ZNF789: variants seen among roughly 807,000 people sequenced by gnomAD.
ZNF789 encodes zinc finger protein 789.
ZNF789 carries 11 observed loss-of-function variants against 15.6 expected under a neutral mutation model. The observed-to-expected ratio is 0.70, with a 90% CI of 0.44 to 1.16. The LOEUF is 1.16. ZNF789 is among the 50% of genes most tolerant of loss of function. The pLI is 0.00. For synonymous variants in ZNF789, 159 were observed against 176.0 expected (o/e 0.90, Z 0.76); for missense variants, 461 against 512.6 (o/e 0.90, Z 0.97).
At chr7:99,481,960 G>T (rs1458062672) in intron 3 of ZNF789, 1 of 582,608 alleles carries the variant, frequency 1.7e-6, no homozygotes, top group Admixed American at 3.0e-5. Context: ...TCTATTACAG[G>T]GAAAGAATCC....
chr7:99,474,543 G>A (rs933317979), intron 1 of ZNF789, among the ~76,000 whole-genome samples: 9 of 151,734 alleles, frequency 5.9e-5, no homozygotes, highest in African/African-American at 2.2e-4. Flanking sequence ...GCAGTGAGCC[G>A]AGATCGCGCC....
Position 99,486,932 on chromosome 7 carries a change from G to C in ZNF789, c.722G>C (p.Arg241Pro), listed in dbSNP as rs147979874. Residue 241 changes from arginine to proline, a missense_variant, in exon 5 of 5, where the codon CGG becomes CCG. Physicochemically the swap from Arg to Pro is moderately radical, Grantham distance 103. Transcript: ENST00000331410. ...CKVCGQAFRQ[R>P]SALTVHKQCH... Reference sequence around the variant, plus strand: ...GTCTGTGGGCAAGCCTTCAGACAGCGGTCAGCTCTTACGGTCCATAAACAG... The same window carrying C: ...GTCTGTGGGCAAGCCTTCAGACAGCCGTCAGCTCTTACGGTCCATAAACAG... 1.9e-6 allele frequency: 3 copies of C among 1,613,978 alleles called. No homozygotes were observed. Among genetic ancestry groups the C allele is most frequent in the African/African-American group, 2.7e-5 (2 of 74,916 alleles).
intron 2 of ZNF789, among the ~76,000 whole-genome samples, chr7:99,477,400 C>T (rs571893603): frequency 2.0e-5 from 3 of 152,002 alleles, no homozygotes; most frequent in East Asian, 3.9e-4. Flanking sequence ...AATGCAGTGG[C>T]ATGATCATGG....
intron 4 of ZNF789, chr7:99,485,279 G>A: frequency 6.9e-7 from 1 of 1,447,714 alleles, no homozygotes; most frequent in South Asian, 1.2e-5. Flanking sequence ...CGAATTCTTT[G>A]GGGACAGGAT....
At chr7:99,478,595 G>T (rs1732141893) in intron 2 of ZNF789, 4 of 361,326 alleles carry the variant, frequency 1.1e-5, no homozygotes, top group Non-Finnish European at 1.7e-5. Context: ...GTGAGAGCAA[G>T]GAGTGTGTAG....
intron 2 of ZNF789, chr7:99,478,419 G>T (rs560238929): frequency 2.4e-6 from 3 of 1,256,774 alleles, no homozygotes; most frequent in Non-Finnish European, 3.1e-6. Flanking sequence ...AAGAAAGTCC[G>T]TATAATTTGG....
chr7:99,473,493 G>A (rs1754394906), intron 1 of ZNF789, among the ~76,000 whole-genome samples: 1 of 152,208 alleles, frequency 6.6e-6, no homozygotes, highest in Non-Finnish European at 1.5e-5. Context: ...TTATCAACTT[G>A]CATTCCTTCT....
chr7:99,475,806 CTTTTT>C (rs59681284), intron 1 of ZNF789, among the ~76,000 whole-genome samples: 1 of 128,364 alleles, frequency 7.8e-6, no homozygotes. Flanking sequence ...TTTTTTCTTT[CTTTTT>C]TTTTTTTTTT....
At chr7:99,474,240 C>G (rs1562879258) in intron 1 of ZNF789, among the ~76,000 whole-genome samples, 1 of 152,188 alleles carries the variant, frequency 6.6e-6, no homozygotes, top group Non-Finnish European at 1.5e-5. Flanking sequence ...ATAAAATACA[C>G]AAACACTAAA....
In ZNF789 at chr7:99,487,554, G is replaced by T; in HGVS notation, c.*66G>T. ...AACCTCTACTTCAAGTGTGTATCAC[G>T]TAATTGTTTCCATGAAAAGCAATAA... is the stretch of plus-strand genomic sequence containing the variant. On this transcript the variant is annotated 3_prime_UTR_variant, in exon 5 of 5. Transcript: ENST00000331410. 1 of 1,511,704 alleles carries T rather than the reference G, an allele frequency of 6.6e-7. No homozygotes were observed. Among genetic ancestry groups the T allele is most frequent in the Non-Finnish European group, 8.9e-7 (1 of 1,125,276 alleles). 93.6% of individuals were successfully genotyped at this position (1,511,704 alleles called of 1,614,324 possible). A position where few individuals can be genotyped will look rare whatever the true frequency, so the allele number is the denominator to read the frequency against.
rs1035985300 is a variant in ZNF789, at chr7:99,486,687, C to A, written c.477C>A (p.Asn159Lys). The A allele has an allele frequency of 6.2e-7, 1 of 1,614,072 alleles. No individual in the cohort carries two copies. The highest frequency in any genetic ancestry group is 1.3e-5 in the African/African-American group (1 of 74,912). Residue 159 changes from asparagine (N) to lysine (K), a missense_variant, in exon 5 of 5, where the codon AAC becomes AAA. Transcript: ENST00000331410. ...GCAGGGGCTTCCTTCAAAACCTTAA[C>A]CTTATTCAAGATCAGAATGCGCAAA... ...EYSRGFLQNLNLIQDQNAQTR... is the reference protein window; with the variant it reads ...EYSRGFLQNLKLIQDQNAQTR...
chr7:99,478,722 G>A (rs1406881542), intron 2 of ZNF789: 2 of 291,314 alleles, frequency 6.9e-6, no homozygotes, highest in South Asian at 6.1e-5. Flanking sequence ...TGTCCCCTGT[G>A]CTCACTGTGC....
intron 3 of ZNF789, among the ~76,000 whole-genome samples, chr7:99,482,546 T>C (rs190772347): frequency 4.6e-5 from 7 of 152,284 alleles, no homozygotes; most frequent in Non-Finnish European, 1.0e-4. Context: ...ACACACTACA[T>C]AGTTTTTTAA....
At position 99,487,448 on chromosome 7, in the gene ZNF789, T is replaced by C. The variant is rs200397962; in HGVS notation, c.1238T>C (p.Ile413Thr). The C allele has an allele frequency of 3.7e-4, 601 of 1,614,094 alleles. No individual in the cohort carries two copies. Among genetic ancestry groups the C allele is most frequent in the Non-Finnish European group, 4.9e-4 (573 of 1,180,026 alleles). ...TCTTTCAAGTGGCACACAAGCTTTA[T>C]TAAGCACCAGGGCACTCACAAAGGA... Reference protein sequence around the residue: ...GKSFKWHTSFIKHQGTHKGQI... With the variant: ...GKSFKWHTSFTKHQGTHKGQI... Residue 413 changes from isoleucine to threonine, a missense_variant, in exon 5 of 5, where the codon ATT becomes ACT. Transcript: ENST00000331410.
chr7:99,485,789 G>A (rs1275957321), intron 4 of ZNF789, among the ~76,000 whole-genome samples: 1 of 152,162 alleles, frequency 6.6e-6, no homozygotes, highest in African/African-American at 2.4e-5. Context: ...TTGAGATCAT[G>A]CCACTGCACT....
At chr7:99,474,461 GC>G (rs1390918740) in intron 1 of ZNF789, among the ~76,000 whole-genome samples, 2 of 152,142 alleles carry the variant, frequency 1.3e-5, no homozygotes, top group Non-Finnish European at 2.9e-5. Context: ...GGGCGTGGTG[GC>G]GGGCGCCTGT....
intron 3 of ZNF789, 147 bp from the exon 4 acceptor site, chr7:99,483,883 G>A (rs1042330966): frequency 1.3e-6 from 1 of 796,418 alleles, no homozygotes; most frequent in Non-Finnish European, 2.3e-6. Flanking sequence ...TTTCAATAAA[G>A]ACTGCCAGAT....
intron 2 of ZNF789, 108 bp downstream of exon 2, chr7:99,476,588 A>G (rs1799346934): frequency 1.5e-6 from 2 of 1,351,688 alleles, no homozygotes; most frequent in Non-Finnish European, 2.0e-6. Context: ...CTTCTTAGAC[A>G]GTGCAATGTA....
At chr7:99,473,547 G>C (rs1407605981) in intron 1 of ZNF789, among the ~76,000 whole-genome samples, 4 of 152,164 alleles carry the variant, frequency 2.6e-5, no homozygotes. Flanking sequence ...TAGCTGATTG[G>C]TTCAGTTTAT....
Sources: gnomAD v4.1 joint callset for allele counts (sites outside exome capture counted in the v4.1 genomes callset) on GRCh38, gnomAD v4.1.1 for gene constraint, MANE v1.5 for transcripts, NCBI Gene and HGNC (gene_info 2026-07-23, HGNC 2026-07-21) for gene names.